MSANTD3: variants seen among roughly 807,000 people sequenced by gnomAD.
MSANTD3 encodes the protein Myb/SANT DNA binding domain containing 3.
In MSANTD3, 11 loss-of-function variants were observed where a neutral mutation model predicts 27.7. The ratio of observed to expected loss-of-function variants is 0.40; its 90% CI spans 0.25 to 0.66. The LOEUF (loss-of-function observed/expected upper bound fraction) is 0.66. Ranked by LOEUF, MSANTD3 falls within the 30% of genes least tolerant of loss-of-function variation. MSANTD3 has a pLI of 0.41. For missense variants in MSANTD3, 250 were observed against 336.5 expected (o/e 0.74, Z 2.01); for synonymous variants, 131 against 127.2 (o/e 1.03, Z -0.20).
chr9:100,433,504 G>C (rs1402085972), intron 1 of MSANTD3, among the ~76,000 whole-genome samples: 1 of 152,008 alleles, frequency 6.6e-6, no homozygotes, highest in African/African-American at 2.4e-5. Flanking sequence ...CTAGTAGCTG[G>C]GGCTATAGGC....
At chr9:100,428,829 C>T (rs1334386421) in intron 1 of MSANTD3, among the ~76,000 whole-genome samples, 1 of 152,094 alleles carries the variant, frequency 6.6e-6, no homozygotes, top group Non-Finnish European at 1.5e-5. Context: ...ATTTTCAACA[C>T]CATTCACTGG....
rs1836827845 is a variant in MSANTD3, at chr9:100,449,293, A to G, written c.419-1264A>G. The G allele has an allele frequency of 7.2e-6, 7 of 967,022 alleles. No homozygotes were observed. The South Asian group carries it at 1.4e-4, about 20-fold the overall frequency. The allele number at this position is 967,022 out of a possible 1,614,324, so 59.9% of individuals were successfully genotyped here. A position where few individuals can be genotyped will look rare whatever the true frequency, so the allele number is the denominator to read the frequency against. On this transcript the variant is annotated intron_variant, in intron 2 of 2. Transcript: ENST00000395067. ...CCAAACGTGGTATCCTTTTGCATCC[A>G]TATACTCTTCCCTTTATATTCAAGG...
At position 100,450,621 on chromosome 9, in the gene MSANTD3, A is replaced by G. The variant is rs1315550227; in HGVS notation, c.483A>G (p.Val161=). The G allele has an allele frequency of 2.5e-6, 4 of 1,611,294 alleles. No homozygotes were observed. The highest frequency in any genetic ancestry group is 3.4e-6 in the Non-Finnish European group (4 of 1,179,292). The change falls in exon 3 of 3, where the codon GTA becomes GTG. Residue 161 remains valine, a synonymous_variant. Transcript: ENST00000395067. ...AGAAAGAGTTCATACATTTTCCAGT[A>G]TGTGAGGGGACCTCTCAACCTGAAC... ...DDEKEFIHFP[V]CEGTSQPEPS...
chr9:100,451,253 G>GT lies in MSANTD3; in HGVS notation c.*289dup. On this transcript the variant is annotated 3_prime_UTR_variant, in exon 3 of 3. Transcript: ENST00000395067. ...AGAACCACGTGTGAGTGTTGTTGTT[G>GT]TTGTTTTTTTTTTTAATCAAATGCA... 1 of 277,370 alleles carries GT rather than the reference G, an allele frequency of 3.6e-6. No homozygotes were observed. Among genetic ancestry groups the GT allele is most frequent in the Non-Finnish European group, 6.6e-6 (1 of 150,960 alleles). The allele number at this position is 277,370 out of a possible 1,614,324, so 17.2% of individuals were successfully genotyped here.
intron 1 of MSANTD3, among the ~76,000 whole-genome samples, chr9:100,431,855 T>C (rs570984191): frequency 6.6e-6 from 1 of 152,204 alleles, no homozygotes; most frequent in South Asian, 2.1e-4. Flanking sequence ...GTGTATTCAG[T>C]AGACGAGAAG....
At chr9:100,438,009 A>G (rs947057262) in intron 1 of MSANTD3, among the ~76,000 whole-genome samples, 24 of 152,314 alleles carry the variant, frequency 1.6e-4, no homozygotes, top group African/African-American at 5.5e-4. Context: ...ATGTAGGGCA[A>G]GAACCTTTGT....
At chr9:100,430,251 T>C (rs769662055) in intron 1 of MSANTD3, among the ~76,000 whole-genome samples, 4 of 150,800 alleles carry the variant, frequency 2.7e-5, no homozygotes, top group Non-Finnish European at 4.4e-5. Flanking sequence ...AGTTGGGCTT[T>C]GAAGATTGAA....
chr9:100,446,416 C>T (rs1014628118), intron 2 of MSANTD3, among the ~76,000 whole-genome samples: 14 of 152,102 alleles, frequency 9.2e-5, no homozygotes, highest in East Asian at 1.9e-4. Flanking sequence ...CATTCTAACG[C>T]GCTTGCATAT....
intron 1 of MSANTD3, among the ~76,000 whole-genome samples, chr9:100,440,750 C>CTGGCTATT (rs1836596875): frequency 6.8e-6 from 1 of 146,820 alleles, no homozygotes. Flanking sequence ...GCCACCACAC[C>CTGGCTATT]TGGCTATTTT....
intron 1 of MSANTD3, among the ~76,000 whole-genome samples, chr9:100,439,480 G>T (rs1007708100): frequency 1.6e-4 from 24 of 151,706 alleles, no homozygotes; most frequent in African/African-American, 5.6e-4. Flanking sequence ...GGCTTGTGGG[G>T]CTCTTTTCAA....
intron 1 of MSANTD3, among the ~76,000 whole-genome samples, chr9:100,440,149 T>G (rs1836573804): frequency 6.6e-6 from 1 of 152,172 alleles, no homozygotes; most frequent in South Asian, 2.1e-4. Flanking sequence ...GCACCTGTTG[T>G]GTGAAACATG....
At chr9:100,441,626 C>G (rs1346102963) in intron 1 of MSANTD3, among the ~76,000 whole-genome samples, 1 of 151,814 alleles carries the variant, frequency 6.6e-6, no homozygotes, top group East Asian at 1.9e-4. Flanking sequence ...GTGACAAGAG[C>G]GAGACTCCGT....
At chr9:100,428,174 A>G (rs56050588) in intron 1 of MSANTD3, among the ~76,000 whole-genome samples, 7,940 of 152,252 alleles carry the variant, frequency 0.052, 422 homozygotes, top group South Asian at 0.24. Context: ...TAGTCTCCCT[A>G]TTCCGATTCA....
At chr9:100,428,586 G>T (rs539406118) in intron 1 of MSANTD3, among the ~76,000 whole-genome samples, 4 of 152,280 alleles carry the variant, frequency 2.6e-5, no homozygotes, top group African/African-American at 9.6e-5. Flanking sequence ...CGGGCTAGGG[G>T]ACAAAGGCTG....
In MSANTD3 at chr9:100,445,125, C is replaced by T. The variant is rs374906881; in HGVS notation, c.418+2769C>T. 2.0e-5 allele frequency: 25 copies of T among 1,234,194 alleles called. No individual in the cohort carries two copies. In the East Asian group the frequency reaches 4.2e-4, roughly 21 times the overall value. The allele number at this position is 1,234,194 out of a possible 1,614,324, so 76.5% of individuals were successfully genotyped here. A position where few individuals can be genotyped will look rare whatever the true frequency, so the allele number is the denominator to read the frequency against. ...GTAGGGTACTGGTACTCTTTCTATA[C>T]AGTAAAACAACTTTGAGTTCATTTC... On this transcript the variant is annotated intron_variant, in intron 2 of 2. Coordinates refer to ENST00000395067, the MANE Select transcript of MSANTD3 (RefSeq NM_080655.3).
At chr9:100,434,384 G>T (rs1836431904) in intron 1 of MSANTD3, among the ~76,000 whole-genome samples, 1 of 152,116 alleles carries the variant, frequency 6.6e-6, no homozygotes, top group Non-Finnish European at 1.5e-5. Context: ...ACAAAAATCA[G>T]CTGAGTGTGG....
chr9:100,445,297 ATG>A (rs2118250715), intron 2 of MSANTD3: 59 of 993,162 alleles, frequency 5.9e-5, no homozygotes, highest in Middle Eastern at 4.1e-4. Flanking sequence ...GACATAAGGA[ATG>A]TGTGTGTGTG....
chr9:100,433,545 A>C (rs753344847), intron 1 of MSANTD3, among the ~76,000 whole-genome samples: 1 of 151,854 alleles, frequency 6.6e-6, no homozygotes, highest in Non-Finnish European at 1.5e-5. Flanking sequence ...AGTACTTTTA[A>C]TTTTAATTTT....
chr9:100,442,650 A>T (rs1467238225), intron 2 of MSANTD3, among the ~76,000 whole-genome samples: 1 of 151,898 alleles, frequency 6.6e-6, no homozygotes, highest in Non-Finnish European at 1.5e-5. Flanking sequence ...TCTACAAAAA[A>T]TAGAAAAAAT....
Sources: gnomAD v4.1 joint callset for allele counts (sites outside exome capture counted in the v4.1 genomes callset) on GRCh38, gnomAD v4.1.1 for gene constraint, MANE v1.5 for transcripts, NCBI Gene and HGNC (gene_info 2026-07-23, HGNC 2026-07-21) for gene names.